The following DNAH6 variants were observed in gnomAD, a reference collection of about 807,000 sequenced individuals.
The protein encoded by DNAH6 is axonemal beta dynein heavy chain 6.
DNAH6 carries 340 observed loss-of-function variants against 491.4 expected under a neutral mutation model. The ratio of observed to expected loss-of-function variants is 0.69; its 90% CI spans 0.63 to 0.76. DNAH6 has a LOEUF of 0.76. Among genes scored for constraint, DNAH6 ranks in the 30% least tolerant of loss-of-function variants. DNAH6 has a pLI of 0.00. For missense variants in DNAH6, 4,443 were observed against 4,972.2 expected (o/e 0.89, Z 3.20); for synonymous variants, 1,603 against 1,686.1 (o/e 0.95, Z 1.21).
chr2:84,803,786 G>C (rs1448921939), intron 70 of DNAH6, among the ~76,000 whole-genome samples: 1 of 152,044 alleles, frequency 6.6e-6, no homozygotes, highest in African/African-American at 2.4e-5. Flanking sequence ...AATATAAATT[G>C]ATACAATGTT....
chr2:84,638,247 G>A (rs1035372744), intron 31 of DNAH6, among the ~76,000 whole-genome samples: 2 of 152,098 alleles, frequency 1.3e-5, no homozygotes, highest in African/African-American at 2.4e-5. Context: ...TGGAGGTCAA[G>A]CAATCCTCCC....
chr2:84,809,178 C>A (rs1180515037), intron 72 of DNAH6, among the ~76,000 whole-genome samples: 1 of 152,172 alleles, frequency 6.6e-6, no homozygotes, highest in Non-Finnish European at 1.5e-5. Flanking sequence ...CAAAGGCCTT[C>A]CTAGTTTCTC....
chr2:84,610,470 A>G (rs1686218346), intron 21 of DNAH6, among the ~76,000 whole-genome samples: 1 of 152,148 alleles, frequency 6.6e-6, no homozygotes, highest in South Asian at 2.1e-4. Context: ...TACAACGACT[A>G]TATTTACTGG....
chr2:84,654,478 G>A (rs1424271614), intron 34 of DNAH6, among the ~76,000 whole-genome samples, 182 bp from the exon 35 acceptor site: 3 of 152,084 alleles, frequency 2.0e-5, no homozygotes, highest in Admixed American at 6.6e-5. Flanking sequence ...CACCTTATAC[G>A]TCATTTAACT....
At position 84,718,487 on chromosome 2, in the gene DNAH6, C is replaced by T. The variant is rs1270085125; in HGVS notation, c.9792+103C>T. 5.3e-6 allele frequency: 5 copies of T among 948,942 alleles called. No individual in the cohort carries two copies. The African/African-American group carries it at 8.6e-5, about 16-fold the overall frequency. The allele number at this position is 948,942 out of a possible 1,614,324, so 58.8% of individuals were successfully genotyped here. A position where few individuals can be genotyped will look rare whatever the true frequency, so the allele number is the denominator to read the frequency against. On this transcript the variant is annotated intron_variant, in intron 59 of 76. Transcript: ENST00000389394. ...AGGGCTTTTAAAGCAAGACGGGGGC[C>T]ACACTGGGCTTCCATGGACACACAG...
At chr2:84,634,776 C>T in intron 30 of DNAH6, 135 bp downstream of exon 30, 2 of 1,052,188 alleles carry the variant, frequency 1.9e-6, no homozygotes, top group Admixed American at 3.7e-5. Context: ...GACCTTGGCT[C>T]TCCAGAGCTC....
rs1023966927 is a variant in DNAH6, at chr2:84,624,476, T to C, written c.4209T>C (p.Val1403=). The C allele has an allele frequency of 1.9e-6, 3 of 1,551,714 alleles. No individual in the cohort carries two copies. In the African/African-American group the frequency reaches 4.1e-5, roughly 21 times the overall value. Residue 1403 remains valine, a synonymous_variant, in exon 28 of 77, where the codon GTT becomes GTC. Transcript: ENST00000389394. ...TELVQSKVET[V]ESFDWQRQLR... The stretch of plus-strand genomic sequence containing the variant: ...TATATCACATATAGGTGGAGACAGT[T>C]GAATCTTTTGACTGGCAGAGACAAC...
At chr2:84,697,775 T>C in intron 47 of DNAH6, 48 bp downstream of exon 47, 2 of 1,547,476 alleles carry the variant, frequency 1.3e-6, no homozygotes, top group South Asian at 1.2e-5. Context: ...AAAACGTTTC[T>C]TCACCTTTTA....
intron 33 of DNAH6, among the ~76,000 whole-genome samples, chr2:84,643,836 CTG>C (rs1260571029): frequency 2.0e-5 from 3 of 152,114 alleles, no homozygotes; most frequent in African/African-American, 7.2e-5. Context: ...AAATCCCTGT[CTG>C]ATAATTTCAG....
rs981118841 is a variant in DNAH6 at position 84,774,343 on chromosome 2, G to C, written c.10704-7150G>C. Among the ~76,000 whole-genome samples, 4 of 151,888 alleles carry C rather than the reference G, an allele frequency of 2.6e-5. No homozygotes were observed. The South Asian group carries it at 8.3e-4, about 32-fold the overall frequency. On this transcript the variant is annotated intron_variant, in intron 64 of 76. Coordinates refer to ENST00000389394, the MANE Select transcript of DNAH6 (RefSeq NM_001370.2). ...AAAATCTTTTCCCCATTGTTTATTA[G>C]TGTCAACTTTGTCAAAGATGAGATG...
intron 3 of DNAH6, among the ~76,000 whole-genome samples, chr2:84,528,027 A>C (rs1282221005): frequency 6.6e-6 from 1 of 152,084 alleles, no homozygotes; most frequent in Non-Finnish European, 1.5e-5. Flanking sequence ...AAATTTCTTC[A>C]AACACAGTGA....
In DNAH6 at chr2:84,797,973, C is replaced by T. The variant is rs144755879; in HGVS notation, c.11481+315C>T. The stretch of plus-strand genomic sequence containing the variant: ...TGAGGATTTCAATAATAATATAACC[C>T]TCTCCCTTTGCCCTTCTTCTACCAG... On this transcript the variant is annotated intron_variant, in intron 70 of 76. Transcript: ENST00000389394. 6.6e-5 allele frequency among the ~76,000 whole-genome samples: 10 copies of T among 152,258 alleles called. No individual in the cohort carries two copies. In the East Asian group the frequency reaches 1.9e-3, roughly 29 times the overall value.
At chr2:84,760,902 T>C (rs1674516842) in intron 63 of DNAH6, among the ~76,000 whole-genome samples, 1 of 152,120 alleles carries the variant, frequency 6.6e-6, no homozygotes, top group African/African-American at 2.4e-5. Flanking sequence ...TGAGCCACCA[T>C]GCCTGGCAGA....
chr2:84,549,851 A>G, intron 8 of DNAH6, 38 bp from the exon 9 acceptor site: 1 of 1,524,864 alleles, frequency 6.6e-7, no homozygotes, highest in South Asian at 1.2e-5. Flanking sequence ...TAGTGAATAT[A>G]AGAAACCGAA....
chr2:84,584,301 T>C, intron 15 of DNAH6, 51 bp downstream of exon 15: 1 of 1,549,082 alleles, frequency 6.5e-7, no homozygotes, highest in Non-Finnish European at 8.8e-7. Flanking sequence ...GTTTTACTAT[T>C]ACATTTGTTT....
At position 84,657,279 on chromosome 2, in the gene DNAH6, T is replaced by C. The variant is rs1691072205; in HGVS notation, c.5758-1013T>C. Among the ~76,000 whole-genome samples, 2 of 152,168 alleles carry C rather than the reference T, an allele frequency of 1.3e-5. 1 individual carries two copies. The highest frequency in any genetic ancestry group is 3.9e-4 in the East Asian group (2 of 5,194). Reference sequence around the variant, plus strand: ...TTGGGTAGTGTCAGTTTTTCAACTTTGTTCTTTTTTGTTGTGTTGGTTATT... The same window carrying C: ...TTGGGTAGTGTCAGTTTTTCAACTTCGTTCTTTTTTGTTGTGTTGGTTATT... On this transcript the variant is annotated intron_variant, in intron 35 of 76. Transcript: ENST00000389394.
intron 38 of DNAH6, 92 bp from the exon 39 acceptor site, chr2:84,670,236 A>T: frequency 1.2e-6 from 1 of 845,352 alleles, no homozygotes; most frequent in Non-Finnish European, 1.8e-6. Flanking sequence ...CTCTCTTTTT[A>T]TCCTGTTTCT....
At chr2:84,601,979 A>G (rs759823543) in intron 18 of DNAH6, among the ~76,000 whole-genome samples, 2 of 152,016 alleles carry the variant, frequency 1.3e-5, no homozygotes, top group Non-Finnish European at 2.9e-5. Flanking sequence ...ACTATTTCAC[A>G]TGTACTGTAA....
rs1162541312 is a variant in DNAH6 at position 84,753,755 on chromosome 2, TAAA to T, written c.10512+8528_10512+8530del. ...CTGGGCAACAGGAGTGAAACTCTGT[TAAA>T]AAAAAAAAAAAAAAAAAAAAAGTAC... On this transcript the variant is annotated intron_variant, in intron 63 of 76. Coordinates refer to ENST00000389394, the MANE Select transcript of DNAH6 (RefSeq NM_001370.2). Among the ~76,000 whole-genome samples the T allele has an allele frequency of 1.1e-3, 84 of 77,124 alleles. 1 individual carries two copies. Among genetic ancestry groups the T allele is most frequent in the African/African-American group, 3.1e-3 (54 of 17,580 alleles). The allele number at this position is 77,124 out of a possible 152,430, so 50.6% of individuals were successfully genotyped here.
Sources: gnomAD v4.1 joint callset for allele counts (sites outside exome capture counted in the v4.1 genomes callset) on GRCh38, gnomAD v4.1.1 for gene constraint, MANE v1.5 for transcripts, NCBI Gene and HGNC (gene_info 2026-07-23, HGNC 2026-07-21) for gene names.